The following LRP8 variants were observed in gnomAD, a reference collection of about 807,000 sequenced individuals.
The protein encoded by LRP8 is low-density lipoprotein receptor-related protein 8.
In LRP8, 46 loss-of-function variants were observed where a neutral mutation model predicts 111.6. The ratio of observed to expected loss-of-function variants is 0.41; its 90% CI spans 0.33 to 0.53. LRP8 has a LOEUF of 0.53. Ranked by LOEUF, LRP8 falls within the 20% of genes least tolerant of loss-of-function variation. The pLI is 0.20. For synonymous variants in LRP8, 464 were observed against 511.2 expected, an observed-to-expected ratio of 0.91 and a Z score of 1.24; for missense variants, 959 against 1,297.4, an observed-to-expected ratio of 0.74 and a Z score of 4.01.
At chr1:53,264,052 TG>T in intron 10 of LRP8, 116 bp downstream of exon 10, 3 of 960,682 alleles carry the variant, frequency 3.1e-6, no homozygotes, top group Non-Finnish European at 3.1e-6. Context: ...TTCTTCCCCA[TG>T]GCCTGTGTCT....
intron 2 of LRP8, chr1:53,305,189 C>T (rs779355222): frequency 7.9e-5 from 12 of 152,256 alleles, no homozygotes; most frequent in Non-Finnish European, 1.3e-4. Flanking sequence ...ACTCAAATCA[C>T]GCCTTTGTCC....
In LRP8 at chr1:53,277,062, C is replaced by G. The variant is rs1465907134; in HGVS notation, c.513G>C (p.Glu171Asp). Reference protein sequence around the residue: ...AGCATLCAPHEFQCGNRSCLA... With the variant: ...AGCATLCAPHDFQCGNRSCLA... ...GGCACGAGCGGTTGCCGCACTGGAA[C>G]TCGTGCGGGGCGCACACTGCGCGGG... The change falls in exon 5 of 19, where the codon GAG becomes GAC. Residue 171 changes from glutamate to aspartate, a missense_variant. This residue lies in a region of LRP8 where 819 missense variants were observed against 1,097.6 expected (regional missense o/e 0.75). Transcript: ENST00000306052. 6.6e-7 allele frequency: 1 copy of G among 1,522,870 alleles called. No individual in the cohort carries two copies. The highest frequency in any genetic ancestry group is 8.8e-7 in the Non-Finnish European group (1 of 1,140,594). 94.3% of individuals were successfully genotyped at this position (1,522,870 alleles called of 1,614,324 possible).
Position 53,246,648 on chromosome 1 carries a change from C to G in LRP8, c.*370G>C. On this transcript the variant is annotated 3_prime_UTR_variant, in exon 19 of 19. Coordinates refer to ENST00000306052, the MANE Select transcript of LRP8 (RefSeq NM_004631.5). ...GCCCCAAAACCTAAAAAAGCCCCCC[C>G]AGCAACCAAACATCTTCTGTAAATA... 1 of 176,058 alleles carries G rather than the reference C, an allele frequency of 5.7e-6. No individual in the cohort carries two copies. The highest frequency in any genetic ancestry group is 1.2e-5 in the Non-Finnish European group (1 of 83,516). The allele number at this position is 176,058 out of a possible 1,614,324, so 10.9% of individuals were successfully genotyped here.
rs1189101362 is a variant in LRP8 at position 53,294,328 on chromosome 1, C to CAGGGTAGAGT, written c.245-4649_245-4640dup. 2.0e-5 allele frequency among the ~76,000 whole-genome samples: 3 copies of CAGGGTAGAGT among 152,166 alleles called. No homozygotes were observed. The highest frequency in any genetic ancestry group is 7.2e-5 in the African/African-American group (3 of 41,436). ...AGGGGCAGTGAGGAGGGGCTGACCC[C>CAGGGTAGAGT]AGGGTAGAGTAGGGGAGAGTGGGAA... On this transcript the variant is annotated intron_variant, in intron 2 of 18. Transcript: ENST00000306052. This position sits in a 1 kb window ranked among gnomAD's most constrained non-coding sequence, Gnocchi z 4.1.
At chr1:53,258,122 G>C in intron 14 of LRP8, 197 bp downstream of exon 14, 1 of 436,922 alleles carries the variant, frequency 2.3e-6, no homozygotes, top group Admixed American at 4.0e-5. Flanking sequence ...CCTTGGGAGT[G>C]AGAAAAAGCT....
At chr1:53,252,118 G>A (rs1027637026) in intron 16 of LRP8, among the ~76,000 whole-genome samples, 2 of 151,678 alleles carry the variant, frequency 1.3e-5, no homozygotes, top group African/African-American at 4.8e-5. Context: ...ACAGCTATTT[G>A]TATTTTTAGA....
Position 53,294,197 on chromosome 1 carries a change from T to C in LRP8, c.245-4508A>G, listed in dbSNP as rs1649276436. 6.6e-6 allele frequency among the ~76,000 whole-genome samples: 1 copy of C among 152,158 alleles called. No homozygotes were observed. Among genetic ancestry groups the C allele is most frequent in the African/African-American group, 2.4e-5 (1 of 41,438 alleles). On this transcript the variant is annotated intron_variant, in intron 2 of 18. Transcript: ENST00000306052. This position sits in a 1 kb window ranked among gnomAD's most constrained non-coding sequence, Gnocchi z 4.1. ...CTGCCCCTTGGACAATGCCCACCTC[T>C]GTGAGTCCCTCAGCCCAGGAGTGAT... is the stretch of plus-strand genomic sequence containing the variant.
intron 16 of LRP8, among the ~76,000 whole-genome samples, chr1:53,253,282 T>G (rs957797063): frequency 1.3e-5 from 2 of 152,198 alleles, no homozygotes; most frequent in African/African-American, 2.4e-5. Flanking sequence ...TTCATATTTA[T>G]GCATGGCAAA....
intron 4 of LRP8, among the ~76,000 whole-genome samples, chr1:53,278,258 T>C (rs1387464281): frequency 1.3e-5 from 2 of 152,134 alleles, no homozygotes; most frequent in Non-Finnish European, 2.9e-5. Flanking sequence ...TTTCCAGCTG[T>C]TTTTCAGGGC....
At position 53,303,860 on chromosome 1, in the gene LRP8, G is replaced by A. The variant is rs147466714; in HGVS notation, c.245-14171C>T. Among the ~76,000 whole-genome samples, 206 of 152,334 alleles carry A rather than the reference G, an allele frequency of 1.4e-3. No individual in the cohort carries two copies. The highest frequency in any genetic ancestry group is 4.4e-3 in the African/African-American group (183 of 41,564). On this transcript the variant is annotated intron_variant, in intron 2 of 18. Transcript: ENST00000306052. This position sits in a 1 kb window ranked among gnomAD's most constrained non-coding sequence, Gnocchi z 4.3. ...GACTCAGTCAGCCGTGCTGGCTGGA[G>A]GCTGAACACGTTCCTTCCTCTTGAA... is the stretch of plus-strand genomic sequence containing the variant.
At position 53,258,344 on chromosome 1, in the gene LRP8, AC is replaced by A; in HGVS notation, c.2183del (p.Gly728ValfsTer4). 1 of 1,614,012 alleles carries A rather than the reference AC, an allele frequency of 6.2e-7. No homozygotes were observed. The highest frequency in any genetic ancestry group is 8.5e-7 in the Non-Finnish European group (1 of 1,179,962). On this transcript the variant is annotated frameshift_variant, in exon 14 of 19. Transcript: ENST00000306052. LOFTEE classifies it high-confidence loss of function. Reference sequence around the variant, plus strand: ...CTCGGTAGCACCTCTTCATGTCTGGACCCAGCCACATTGTGTCAGGACAGGC... The same window carrying A: ...CTCGGTAGCACCTCTTCATGTCTGGACCAGCCACATTGTGTCAGGACAGGC... ...TCACPDTMWL[G>X]PDMKRCYRAP...
chr1:53,260,583 A>G lies in LRP8; in HGVS notation c.1937T>C (p.Leu646Pro). 1 of 1,614,212 alleles carries G rather than the reference A, an allele frequency of 6.2e-7. No homozygotes were observed. The highest frequency in any genetic ancestry group is 8.5e-7 in the Non-Finnish European group (1 of 1,180,024). Reference sequence around the variant, plus strand: ...TGCACTGAAAATGGCCTCGTTCTCCAGGTCTGTCCAGAACACCTTGTCCTG... The same window carrying G: ...TGCACTGAAAATGGCCTCGTTCTCCGGGTCTGTCCAGAACACCTTGTCCTG... The part of the protein sequence containing the change: ...VFEDKVFWTD[L>P]ENEAIFSANR... Residue 646 changes from leucine to proline, a missense_variant, in exon 13 of 19, where the codon CTG becomes CCG. Coordinates refer to ENST00000306052, the MANE Select transcript of LRP8 (RefSeq NM_004631.5).
At chr1:53,326,489 A>G (rs1370576770) in intron 2 of LRP8, among the ~76,000 whole-genome samples, 1 of 152,170 alleles carries the variant, frequency 6.6e-6, no homozygotes, top group Non-Finnish European at 1.5e-5. Flanking sequence ...GGAACTTTGA[A>G]ACACGCGCGC....
At chr1:53,290,113 G>A (rs78039740) in intron 2 of LRP8, among the ~76,000 whole-genome samples, 2 of 150,996 alleles carry the variant, frequency 1.3e-5, no homozygotes, top group African/African-American at 4.9e-5. Flanking sequence ...GGCGCCAGGG[G>A]AGTTTGTGAT....
chr1:53,312,921 A>G (rs1485050229), intron 2 of LRP8, among the ~76,000 whole-genome samples: 1 of 152,234 alleles, frequency 6.6e-6, no homozygotes, highest in Admixed American at 6.5e-5. Flanking sequence ...CGTGCTGGGC[A>G]AATGAAGTGG....
In LRP8 at chr1:53,255,135, C is replaced by T. The variant is rs769563923; in HGVS notation, c.2485G>A (p.Gly829Arg). Residue 829 changes from glycine (G) to arginine (R), a missense_variant, in exon 16 of 19, where the codon GGG becomes AGG. Transcript: ENST00000306052. ...CACTCACCTATGGGCACGATGATCC[C>T]GATAACAGCGGCAGTGACTGTTGAG... The part of the protein sequence containing the change: ...MGSTVTAAVI[G>R]IIVPIVVIAL... The T allele has an allele frequency of 6.2e-6, 10 of 1,613,508 alleles. No homozygotes were observed. The highest frequency in any genetic ancestry group is 4.0e-5 in the African/African-American group (3 of 74,894).
chr1:53,317,512 C>T lies in LRP8; in HGVS notation c.244+9361G>A, dbSNP rs1291162841. Reference sequence around the variant, plus strand: ...CTCTCAGGCAGCCAAGTCCTCCCAACTGGCCAGTTGACCTAAATCTCTCCT... The same window carrying T: ...CTCTCAGGCAGCCAAGTCCTCCCAATTGGCCAGTTGACCTAAATCTCTCCT... On this transcript the variant is annotated intron_variant, in intron 2 of 18. Transcript: ENST00000306052. The surrounding 1 kb of genome is among the most constrained non-coding windows in gnomAD (Gnocchi z 4.9). Among the ~76,000 whole-genome samples, 1 of 152,222 alleles carries T rather than the reference C, an allele frequency of 6.6e-6. No homozygotes were observed. Among genetic ancestry groups the T allele is most frequent in the East Asian group, 1.9e-4 (1 of 5,192 alleles).
chr1:53,328,036 C>CGCCGCT lies in LRP8; in HGVS notation c.-125_-124insAGCGGC. On this transcript the variant is annotated 5_prime_UTR_variant, in exon 1 of 19. Coordinates refer to ENST00000306052, the MANE Select transcript of LRP8 (RefSeq NM_004631.5). Reference sequence around the variant, plus strand: ...CTGCCCCCGCCGCCGCCGCCGCCGCCGCTGCCGCCCGCCCCGGCTCCTCGG... The same window carrying CGCCGCT: ...CTGCCCCCGCCGCCGCCGCCGCCGCCGCCGCTGCTGCCGCCCGCCCCGGCTCCTCGG... 2.6e-6 allele frequency: 1 copy of CGCCGCT among 391,856 alleles called. No homozygotes were observed. The highest frequency in any genetic ancestry group is 3.4e-6 in the Non-Finnish European group (1 of 290,052). 24.3% of individuals were successfully genotyped at this position (391,856 alleles called of 1,614,324 possible).
At chr1:53,301,724 C>T (rs1404452122) in intron 2 of LRP8, among the ~76,000 whole-genome samples, 1 of 136,640 alleles carries the variant, frequency 7.3e-6, no homozygotes, top group African/African-American at 2.6e-5. Context: ...GAGGGAAACC[C>T]TGTCTTAAAA....
Sources: allele counts gnomAD v4.1 joint callset (sites outside exome capture counted in the v4.1 genomes callset), GRCh38; gene constraint gnomAD v4.1.1; regional missense constraint gnomAD v4.1.1; non-coding constraint Gnocchi (gnomAD v3.1); transcripts MANE v1.5; gene names NCBI Gene and HGNC (gene_info 2026-07-23, HGNC 2026-07-21).